SNTG2: variants seen among roughly 807,000 people sequenced by gnomAD.
SNTG2 encodes the protein gamma-2-syntrophin.
Under a neutral mutation model 70.9 loss-of-function variants are expected in SNTG2, and 74 were observed. The ratio of observed to expected loss-of-function variants is 1.04; its 90% CI spans 0.86 to 1.27. The LOEUF (loss-of-function observed/expected upper bound fraction) is 1.27, where lower values mean the gene tolerates loss of function less well. Ranked by LOEUF, SNTG2 falls within the 50% of genes most tolerant of loss-of-function variation. The pLI, the probability that SNTG2 is intolerant of heterozygous loss-of-function variation, is 0.00. For missense variants in SNTG2, 717 were observed against 690.7 expected (o/e 1.04, Z -0.43); for synonymous variants, 278 against 273.8 (o/e 1.02, Z -0.15).
At chr2:1,207,885 C>T (rs925327779) in intron 8 of SNTG2, among the ~76,000 whole-genome samples, 3 of 152,168 alleles carry the variant, frequency 2.0e-5, no homozygotes, top group Admixed American at 1.3e-4. Flanking sequence ...GGTGGATTAA[C>T]CAATGTGTAA....
intron 16 of SNTG2, among the ~76,000 whole-genome samples, chr2:1,334,271 C>G (rs1659684043): frequency 6.6e-6 from 1 of 151,976 alleles, no homozygotes; most frequent in Admixed American, 6.6e-5. Flanking sequence ...CAAGAATGGC[C>G]ATAATCAAAA....
chr2:1,232,944 C>G (rs376899224), intron 9 of SNTG2, among the ~76,000 whole-genome samples: 2 of 152,320 alleles, frequency 1.3e-5, no homozygotes, highest in South Asian at 4.1e-4. Context: ...AGTAAACAGG[C>G]ATGTGTGCAA....
chr2:1,275,564 G>T (rs1309481675), intron 14 of SNTG2, among the ~76,000 whole-genome samples: 1 of 152,230 alleles, frequency 6.6e-6, no homozygotes, highest in Non-Finnish European at 1.5e-5. Flanking sequence ...TCACTGCTAT[G>T]TGTGTTCTGA....
intron 8 of SNTG2, among the ~76,000 whole-genome samples, chr2:1,178,716 T>C (rs1671650917): frequency 6.6e-6 from 1 of 151,818 alleles, no homozygotes; most frequent in Non-Finnish European, 1.5e-5. Flanking sequence ...AGTATTTTAT[T>C]GAGGATTTTT....
At chr2:1,093,199 GCTTGTGGGTC>G (rs1394300966) in intron 2 of SNTG2, among the ~76,000 whole-genome samples, 5 of 152,162 alleles carry the variant, frequency 3.3e-5, no homozygotes, top group African/African-American at 1.2e-4. Context: ...ATCCGCACCT[GCTTGTGGGTC>G]CTTGACTTTA....
At chr2:1,302,128 A>AT (rs1680479349) in intron 14 of SNTG2, among the ~76,000 whole-genome samples, 1 of 151,866 alleles carries the variant, frequency 6.6e-6, no homozygotes, top group African/African-American at 2.4e-5. Context: ...CACCTGGCTA[A>AT]TTTTTTGTAT....
At chr2:1,225,521 C>G (rs1325233798) in intron 9 of SNTG2, among the ~76,000 whole-genome samples, 2 of 152,130 alleles carry the variant, frequency 1.3e-5, no homozygotes, top group Non-Finnish European at 2.9e-5. Context: ...TCCTTGTGTC[C>G]GGTCCTCTCT....
chr2:1,089,979 C>T (rs536623274), intron 2 of SNTG2, among the ~76,000 whole-genome samples: 5 of 152,268 alleles, frequency 3.3e-5, no homozygotes, highest in South Asian at 2.1e-4. Flanking sequence ...ACTGGCCTTT[C>T]GGTACTGATG....
chr2:1,299,064 A>G (rs1680338193), intron 14 of SNTG2, among the ~76,000 whole-genome samples: 1 of 152,138 alleles, frequency 6.6e-6, no homozygotes, highest in Non-Finnish European at 1.5e-5. Context: ...ACTCCCCTTG[A>G]TATATATCTA....
chr2:1,247,554 C>T (rs1365681716), intron 12 of SNTG2, 111 bp downstream of exon 12: 23 of 702,586 alleles, frequency 3.3e-5, no homozygotes, highest in South Asian at 3.0e-4. Flanking sequence ...GTGCTTGGTC[C>T]TGCCGTTTGC....
chr2:1,142,236 A>T (rs997478071), intron 6 of SNTG2, among the ~76,000 whole-genome samples: 3 of 152,194 alleles, frequency 2.0e-5, no homozygotes, highest in Non-Finnish European at 4.4e-5. Context: ...TTCAAACCTA[A>T]GAGCTCCATG....
At chr2:1,233,493 A>G (rs564737218) in intron 9 of SNTG2, among the ~76,000 whole-genome samples, 2 of 152,320 alleles carry the variant, frequency 1.3e-5, no homozygotes, top group African/African-American at 4.8e-5. Flanking sequence ...GACCGGGCAC[A>G]TGAGAGCTGG....
chr2:1,365,849 G>A (rs1345700964), intron 16 of SNTG2, among the ~76,000 whole-genome samples: 3 of 152,190 alleles, frequency 2.0e-5, no homozygotes, highest in South Asian at 2.1e-4. Context: ...GAGATGTCAC[G>A]TCTTTGAGTT....
At chr2:1,032,437 A>G (rs2148037444) in intron 1 of SNTG2, among the ~76,000 whole-genome samples, 1 of 152,348 alleles carries the variant, frequency 6.6e-6, no homozygotes. Flanking sequence ...AATAAGCCCA[A>G]ATTTTAGATA....
intron 2 of SNTG2, among the ~76,000 whole-genome samples, chr2:1,086,293 A>G (rs1664678819): frequency 6.6e-6 from 1 of 152,110 alleles, no homozygotes; most frequent in South Asian, 2.1e-4. Context: ...CCAGAGAGGA[A>G]GACACGGGCT....
chr2:1,340,818 TG>T (rs1484867349), intron 16 of SNTG2, among the ~76,000 whole-genome samples: 1 of 152,252 alleles, frequency 6.6e-6, no homozygotes, highest in Non-Finnish European at 1.5e-5. Flanking sequence ...TAATGTGGGA[TG>T]TTTTGCACAG....
At chr2:1,163,191 GC>G (rs1390714296) in intron 6 of SNTG2, 1 of 151,838 alleles carries the variant, frequency 6.6e-6, no homozygotes, top group African/African-American at 2.4e-5. Flanking sequence ...GACGTGGGAA[GC>G]CTCCCAACAG....
At chr2:1,150,111 C>T (rs1409529670) in intron 6 of SNTG2, among the ~76,000 whole-genome samples, 1 of 152,160 alleles carries the variant, frequency 6.6e-6, no homozygotes, top group Admixed American at 6.5e-5. Flanking sequence ...AATTTAACAG[C>T]AAGCATTTGA....
chr2:1,098,858 C>T (rs559426532), intron 4 of SNTG2, among the ~76,000 whole-genome samples: 2 of 152,272 alleles, frequency 1.3e-5, no homozygotes, highest in African/African-American at 2.4e-5. Context: ...AAACGCCGTC[C>T]GTTCTGCACT....
Sources: gnomAD v4.1 joint callset for allele counts (sites outside exome capture counted in the v4.1 genomes callset) on GRCh38, gnomAD v4.1.1 for gene constraint, MANE v1.5 for transcripts, NCBI Gene and HGNC (gene_info 2026-07-23, HGNC 2026-07-21) for gene names.